Variants in FCGR2B observed in about 807,000 individuals in gnomAD.
FCGR2B encodes Fc gamma receptor IIb, also known as low affinity immunoglobulin gamma Fc region receptor II-b.
In FCGR2B, 18 loss-of-function variants were observed where a neutral mutation model predicts 24.8. That is an observed-to-expected ratio of 0.73 (90% CI 0.50 to 1.08). The LOEUF (loss-of-function observed/expected upper bound fraction) is 1.08. Among genes scored for constraint, FCGR2B ranks in the 50% least tolerant of loss-of-function variants. The pLI is 0.00. For missense variants in FCGR2B, 215 were observed against 297.6 expected (o/e 0.72, Z 2.04); for synonymous variants, 79 against 109.8 (o/e 0.72, Z 1.75).
chr1:161,676,871 C>G (rs2102681085), intron 6 of FCGR2B: 1 of 186,056 alleles, frequency 5.4e-6, no homozygotes, highest in East Asian at 1.8e-4. Flanking sequence ...CCATGGAGTA[C>G]CATATTTTTC....
chr1:161,677,038 G>C, intron 6 of FCGR2B: 1 of 451,874 alleles, frequency 2.2e-6, no homozygotes, highest in Non-Finnish European at 3.9e-6. Flanking sequence ...CAGATCCCAA[G>C]CCTCCCTGGT....
At chr1:161,674,434 C>T (rs1221536780) in intron 5 of FCGR2B, 3 of 380,672 alleles carry the variant, frequency 7.9e-6, no homozygotes, top group Admixed American at 3.7e-5. Context: ...CATAGCCCAA[C>T]AAGGGCTGAG....
chr1:161,674,466 G>C (rs1458103664), intron 5 of FCGR2B: 1 of 366,202 alleles, frequency 2.7e-6, no homozygotes, highest in Non-Finnish European at 5.3e-6. Context: ...AGGTCTTGGG[G>C]AGAGCAGTGT....
In FCGR2B at chr1:161,672,906, A is replaced by G. The variant is rs140978741; in HGVS notation, c.392-69A>G. The G allele has an allele frequency of 1.3e-3, 2,091 of 1,597,662 alleles. 9 individuals are homozygous for G. Among genetic ancestry groups the G allele is most frequent in the Middle Eastern group, 0.013 (71 of 5,436 alleles). On this transcript the variant is annotated intron_variant, in intron 3 of 7. Transcript: ENST00000358671. ...CCTCTGCACATCGTGTCCCACCAGTAAGGAAGATCTGGGTCTCAGAGCTGA... is the reference window on the plus strand; with the variant it reads ...CCTCTGCACATCGTGTCCCACCAGTGAGGAAGATCTGGGTCTCAGAGCTGA...
chr1:161,661,248 A>C (rs527693717), upstream of FCGR2B, among the ~76,000 whole-genome samples: 217 of 45,322 alleles, frequency 4.8e-3, 28 homozygotes, highest in African/African-American at 0.016. Flanking sequence ...GAAAGAAAGA[A>C]AGAAAGAAAG....
the FCGR2B span, among the ~76,000 whole-genome samples, chr1:161,647,863 T>C: frequency 5.3e-5 from 8 of 151,096 alleles, 1 homozygote; most frequent in East Asian, 1.6e-3. Flanking sequence ...CACACTGTGC[T>C]TCGTGTGTTC....
the FCGR2B span, among the ~76,000 whole-genome samples, chr1:161,652,906 A>C: frequency 7.5e-6 from 1 of 133,964 alleles, no homozygotes; most frequent in Non-Finnish European, 1.7e-5. Flanking sequence ...AGACCAAGAG[A>C]CACCGGTATT....
At chr1:161,647,868 G>A in the FCGR2B span, among the ~76,000 whole-genome samples, 1 of 151,004 alleles carries the variant, frequency 6.6e-6, no homozygotes, top group Admixed American at 6.6e-5. Context: ...TGTGCTTCGT[G>A]TGTTCATAAA....
the FCGR2B span, among the ~76,000 whole-genome samples, chr1:161,653,401 A>G: frequency 7.9e-6 from 1 of 126,016 alleles, no homozygotes; most frequent in Non-Finnish European, 1.8e-5. Context: ...GCAAGACTCC[A>G]TCTCAATAAA....
chr1:161,649,904 G>A, the FCGR2B span, among the ~76,000 whole-genome samples: 1 of 150,244 alleles, frequency 6.7e-6, no homozygotes, highest in Non-Finnish European at 1.5e-5. Context: ...GGATGGGAAT[G>A]GTAGATACAT....
the FCGR2B span, among the ~76,000 whole-genome samples, chr1:161,648,495 T>G: frequency 6.7e-6 from 1 of 150,256 alleles, no homozygotes; most frequent in Non-Finnish European, 1.5e-5. Flanking sequence ...TTTATGTGCT[T>G]ATTTGGTCAT....
At chr1:161,675,138 G>A (rs1254246386) in intron 5 of FCGR2B, 119 bp from the exon 6 acceptor site, 1 of 686,740 alleles carries the variant, frequency 1.5e-6, no homozygotes, top group East Asian at 3.2e-5. Flanking sequence ...GGGAGGACAG[G>A]AAACATCTGC....
chr1:161,677,144 GGCTACCCTATGCATC>G (rs1682215770), intron 6 of FCGR2B, 169 bp from the exon 7 acceptor site: 2 of 634,588 alleles, frequency 3.2e-6, no homozygotes, highest in South Asian at 3.8e-5. Context: ...GCTGTGGCTG[GGCTACCCTATGCATC>G]GATCAATGAG....
the FCGR2B span, among the ~76,000 whole-genome samples, chr1:161,647,557 G>C: frequency 2.0e-5 from 3 of 150,276 alleles, no homozygotes; most frequent in Admixed American, 6.7e-5. Context: ...CCACCGCCTC[G>C]GCCTCCTAAA....
chr1:161,675,113 A>C, intron 5 of FCGR2B, 144 bp from the exon 6 acceptor site: 1 of 598,412 alleles, frequency 1.7e-6, no homozygotes, highest in Admixed American at 3.5e-5. Context: ...GCCTCTGAGC[A>C]GGGGAGCTGG....
At chr1:161,654,907 T>G in the FCGR2B span, among the ~76,000 whole-genome samples, 13 of 138,248 alleles carry the variant, frequency 9.4e-5, 1 homozygote, top group Non-Finnish European at 1.8e-4. Context: ...CAGGTTTTTT[T>G]GGGGGGTGTT....
At chr1:161,652,636 T>C in the FCGR2B span, among the ~76,000 whole-genome samples, 3 of 135,114 alleles carry the variant, frequency 2.2e-5, 1 homozygote, top group Non-Finnish European at 5.0e-5. Context: ...GCTTGCATTG[T>C]CTGTTGACAG....
At chr1:161,653,004 C>T in the FCGR2B span, among the ~76,000 whole-genome samples, 1 of 134,308 alleles carries the variant, frequency 7.4e-6, no homozygotes, top group South Asian at 2.6e-4. Flanking sequence ...ATTCTCTCTT[C>T]AGTGGCAGAG....
At position 161,671,622 on chromosome 1, in the gene FCGR2B, G is replaced by A. The variant is rs143061521; in HGVS notation, c.364G>A (p.Asp122Asn). ...CCAGACTGGCCAGACCAGCCTCAGCGACCCTGTGCATCTGACTGTGCTTTC... is the reference window on the plus strand; with the variant it reads ...CCAGACTGGCCAGACCAGCCTCAGCAACCCTGTGCATCTGACTGTGCTTTC... ...TCQTGQTSLS[D>N]PVHLTVLSEW... The change falls in exon 3 of 8, where the codon GAC becomes AAC. Residue 122 changes from aspartate (D) to asparagine (N), a missense_variant. By Grantham distance (23) the Asp-to-Asn change is conservative. Around this residue, in one of 5 missense-constraint regions of FCGR2B, gnomAD observed 39 missense variants for 73.3 expected, o/e 0.53. Transcript: ENST00000358671. 36 of 1,613,768 alleles carry A rather than the reference G, an allele frequency of 2.2e-5. No homozygotes were observed. Among genetic ancestry groups the A allele is most frequent in the East Asian group, 6.7e-5 (3 of 44,886 alleles).
Sources: gnomAD v4.1 joint callset for allele counts (sites outside exome capture counted in the v4.1 genomes callset) on GRCh38, gnomAD v4.1.1 for gene constraint, gnomAD v4.1.1 regional missense constraint, MANE v1.5 for transcripts, NCBI Gene and HGNC (gene_info 2026-07-23, HGNC 2026-07-21) for gene names.